The following LRFN2 variants were observed in gnomAD, a reference collection of about 807,000 sequenced individuals.
The protein encoded by LRFN2 is leucine-rich repeat and fibronectin type-III domain-containing protein 2.
LRFN2 carries 18 observed loss-of-function variants against 37.3 expected under a neutral mutation model. The ratio of observed to expected loss-of-function variants is 0.48; its 90% CI spans 0.33 to 0.72. The LOEUF is 0.72. LRFN2 is among the 30% of genes least tolerant of loss of function. The pLI, the probability that LRFN2 is intolerant of heterozygous loss-of-function variation, is 0.02. For synonymous variants in LRFN2, 556 were observed against 466.6 expected (o/e 1.19, Z -2.47); for missense variants, 1,006 against 1,060.7 (o/e 0.95, Z 0.72).
At chr6:40,415,032 C>A (rs1252333047) in intron 2 of LRFN2, among the ~76,000 whole-genome samples, 2 of 152,164 alleles carry the variant, frequency 1.3e-5, no homozygotes, top group African/African-American at 4.8e-5. Context: ...ATTCAGTGTA[C>A]TGCCCACTGC....
intron 2 of LRFN2, among the ~76,000 whole-genome samples, chr6:40,395,004 A>G (rs1762585143): frequency 2.1e-5 from 3 of 142,116 alleles, no homozygotes; most frequent in Non-Finnish European, 3.0e-5. Context: ...TGTCTTTATC[A>G]GCAGCGTGAA....
chr6:40,478,124 C>T (rs1275892306), intron 1 of LRFN2, among the ~76,000 whole-genome samples: 2 of 152,114 alleles, frequency 1.3e-5, no homozygotes, highest in African/African-American at 4.8e-5. Context: ...AGGACGCACC[C>T]CTGCTGCCAT....
At chr6:40,399,079 C>T (rs1436020941) in intron 2 of LRFN2, among the ~76,000 whole-genome samples, 2 of 151,876 alleles carry the variant, frequency 1.3e-5, no homozygotes, top group Non-Finnish European at 2.9e-5. Context: ...ACTGGAGGGC[C>T]GGAAGAGGGG....
chr6:40,416,911 A>C (rs1763105594), intron 2 of LRFN2, among the ~76,000 whole-genome samples: 1 of 152,230 alleles, frequency 6.6e-6, no homozygotes, highest in Admixed American at 6.5e-5. Flanking sequence ...ATTTTTAAAC[A>C]GGGTTCTGTT....
intron 2 of LRFN2, among the ~76,000 whole-genome samples, chr6:40,403,361 G>A (rs1357554743): frequency 6.6e-6 from 1 of 152,192 alleles, no homozygotes; most frequent in Non-Finnish European, 1.5e-5. Flanking sequence ...CATGGAGCTG[G>A]TGGGATTCAG....
intron 2 of LRFN2, among the ~76,000 whole-genome samples, chr6:40,394,847 TC>T (rs1762580777): frequency 6.6e-6 from 1 of 152,194 alleles, no homozygotes; most frequent in Admixed American, 6.5e-5. Context: ...GCACAAGCTC[TC>T]TTCTCTTGTC....
intron 2 of LRFN2, among the ~76,000 whole-genome samples, chr6:40,402,219 T>G (rs1762754332): frequency 6.6e-6 from 1 of 151,982 alleles, no homozygotes; most frequent in Admixed American, 6.6e-5. Context: ...TGATTCTGCA[T>G]GCTGACTGTA....
rs1766565110 is a variant in LRFN2, at chr6:40,542,158, T to G, written c.-19+44783A>C. Among the ~76,000 whole-genome samples the G allele has an allele frequency of 2.6e-5, 4 of 152,320 alleles. No individual in the cohort carries two copies. In the South Asian group the frequency reaches 8.3e-4, roughly 32 times the overall value. ...TGAACTGCTGCTTTTGGCTGGATGCTTGCTCCAGGTGTACTGGCATCAACT... is the reference window on the plus strand; with the variant it reads ...TGAACTGCTGCTTTTGGCTGGATGCGTGCTCCAGGTGTACTGGCATCAACT... On this transcript the variant is annotated intron_variant, in intron 1 of 2. Coordinates refer to ENST00000338305, the MANE Select transcript of LRFN2 (RefSeq NM_020737.3).
At chr6:40,410,875 C>T (rs564585318) in intron 2 of LRFN2, among the ~76,000 whole-genome samples, 1 of 152,178 alleles carries the variant, frequency 6.6e-6, no homozygotes, top group Non-Finnish European at 1.5e-5. Context: ...CCTAGAGGTG[C>T]ACCATCCTGA....
chr6:40,441,500 A>C (rs1016159650), intron 1 of LRFN2, among the ~76,000 whole-genome samples: 3 of 152,152 alleles, frequency 2.0e-5, no homozygotes, highest in African/African-American at 7.2e-5. Context: ...GATGTGAGTG[A>C]GTCTGCCTGA....
At chr6:40,528,557 C>T (rs1766294833) in intron 1 of LRFN2, among the ~76,000 whole-genome samples, 1 of 152,192 alleles carries the variant, frequency 6.6e-6, no homozygotes, top group African/African-American at 2.4e-5. Context: ...GACTCGGCTC[C>T]TTCCATAGGC....
At chr6:40,399,352 T>C (rs1330509729) in intron 2 of LRFN2, among the ~76,000 whole-genome samples, 1 of 151,490 alleles carries the variant, frequency 6.6e-6, no homozygotes, top group African/African-American at 2.4e-5. Context: ...TGCCCCCACC[T>C]GTTGTTGACC....
chr6:40,578,062 A>AGGGAT (rs1767328781), intron 1 of LRFN2, among the ~76,000 whole-genome samples: 1 of 151,976 alleles, frequency 6.6e-6, no homozygotes, highest in African/African-American at 2.4e-5. Flanking sequence ...ACAACCCTAT[A>AGGGAT]AAGTGGATGC....
intron 1 of LRFN2, among the ~76,000 whole-genome samples, chr6:40,564,925 C>A (rs1767061744): frequency 6.6e-6 from 1 of 152,138 alleles, no homozygotes; most frequent in African/African-American, 2.4e-5. Flanking sequence ...TAAAGCAGCC[C>A]CTCCACCTGT....
At chr6:40,470,995 C>G (rs990952178) in intron 1 of LRFN2, among the ~76,000 whole-genome samples, 2 of 152,172 alleles carry the variant, frequency 1.3e-5, no homozygotes, top group Admixed American at 6.5e-5. Context: ...TTGGGGACAG[C>G]AGGCTGAGAA....
intron 2 of LRFN2, among the ~76,000 whole-genome samples, chr6:40,408,948 G>A (rs1005578253): frequency 6.6e-6 from 1 of 152,238 alleles, no homozygotes; most frequent in Non-Finnish European, 1.5e-5. Flanking sequence ...CATTTGGTCT[G>A]ATAAGGGCCT....
Position 40,431,746 on chromosome 6 carries a change from G to C in LRFN2, c.1368C>G (p.Tyr456Ter). The C allele has an allele frequency of 6.6e-7, 1 of 1,522,260 alleles. No individual in the cohort carries two copies. The highest frequency in any genetic ancestry group is 8.8e-7 in the Non-Finnish European group (1 of 1,135,470). 94.3% of individuals were successfully genotyped at this position (1,522,260 alleles called of 1,614,324 possible). A position where few individuals can be genotyped will look rare whatever the true frequency, so the allele number is the denominator to read the frequency against. The part of the protein sequence containing the change: ...APRVKMYQLQ[Y>*]NCSDDEVLIY... ...TCAGTACCTCATCGTCAGAGCAGTT[G>C]TACTGCAGCTGGTACATCTTCACCC... is the stretch of plus-strand genomic sequence containing the variant. Residue 456 changes from tyrosine to a stop codon, truncating the protein, a stop_gained, in exon 2 of 3, where the codon TAC (tyrosine) becomes TAG (stop). Transcript: ENST00000338305. LOFTEE classifies it high-confidence loss of function.
rs528564856 is a variant in LRFN2 at position 40,460,036 on chromosome 6, G to A, written c.-18-26905C>T. ...TCATTCTTGACAGGGACAAATGGGT[G>A]CCCATGAAGCTGGGCTCAAGGAAAA... On this transcript the variant is annotated intron_variant, in intron 1 of 2. Coordinates refer to ENST00000338305, the MANE Select transcript of LRFN2 (RefSeq NM_020737.3). 9.8e-5 allele frequency among the ~76,000 whole-genome samples: 15 copies of A among 152,288 alleles called. No homozygotes were observed. The South Asian group carries it at 2.3e-3, about 23-fold the overall frequency.
intron 1 of LRFN2, among the ~76,000 whole-genome samples, chr6:40,458,496 C>T (rs951479400): frequency 1.3e-5 from 2 of 152,212 alleles, no homozygotes; most frequent in African/African-American, 2.4e-5. Context: ...TATATCCTGG[C>T]TATGTTGACG....
Sources: allele counts gnomAD v4.1 joint callset (sites outside exome capture counted in the v4.1 genomes callset), GRCh38; gene constraint gnomAD v4.1.1; transcripts MANE v1.5; gene names NCBI Gene and HGNC (gene_info 2026-07-23, HGNC 2026-07-21).